Variants in CDK14 observed in about 807,000 individuals in gnomAD.
The protein encoded by CDK14 is cyclin-dependent kinase 14.
CDK14 carries 34 observed loss-of-function variants against 60.7 expected under a neutral mutation model. That is an observed-to-expected ratio of 0.56 (90% CI 0.43 to 0.75). The LOEUF is 0.75. Among genes scored for constraint, CDK14 ranks in the 30% least tolerant of loss-of-function variants. The pLI, the probability that CDK14 is intolerant of heterozygous loss-of-function variation, is 0.00. For synonymous variants in CDK14, 197 were observed against 203.7 expected, an observed-to-expected ratio of 0.97 and a Z score of 0.28; for missense variants, 482 against 564.1, an observed-to-expected ratio of 0.85 and a Z score of 1.47.
At chr7:90,866,045 A>T (rs1280535003) in intron 6 of CDK14, among the ~76,000 whole-genome samples, 1 of 152,138 alleles carries the variant, frequency 6.6e-6, no homozygotes, top group Non-Finnish European at 1.5e-5. Flanking sequence ...CTGAGTGCAG[A>T]TAAGTCCTAA....
chr7:90,659,871 CTCTCTGTGTGTGTG>C (rs1352950008), intron 2 of CDK14, among the ~76,000 whole-genome samples: 2 of 144,362 alleles, frequency 1.4e-5, no homozygotes, highest in Non-Finnish European at 1.5e-5. Context: ...CTCTCTCTCT[CTCTCTGTGTGTGTG>C]TGTGTGTGTG....
intron 2 of CDK14, among the ~76,000 whole-genome samples, chr7:90,696,821 G>C (rs1244575692): frequency 2.0e-5 from 3 of 152,166 alleles, no homozygotes; most frequent in African/African-American, 2.4e-5. Context: ...GGTTGGGAAG[G>C]GAAGAGTGTC....
At chr7:91,006,215 C>A (rs1795975516) in intron 10 of CDK14, among the ~76,000 whole-genome samples, 1 of 152,228 alleles carries the variant, frequency 6.6e-6, no homozygotes, top group Admixed American at 6.5e-5. Flanking sequence ...TTTTTCCCCT[C>A]ATGGCTCTTT....
At chr7:90,993,515 A>G (rs533255188) in intron 10 of CDK14, among the ~76,000 whole-genome samples, 4 of 152,132 alleles carry the variant, frequency 2.6e-5, no homozygotes, top group South Asian at 4.2e-4. Context: ...TTTTTCTGAA[A>G]GAAGAAGGGG....
At chr7:90,984,018 G>A (rs1420885144) in intron 9 of CDK14, 130 bp from the exon 10 acceptor site, 4 of 662,322 alleles carry the variant, frequency 6.0e-6, no homozygotes, top group Non-Finnish European at 1.1e-5. Flanking sequence ...TAAAATAAAA[G>A]TTAGAGGGGA....
Position 90,846,067 on chromosome 7 carries a change from C to G in CDK14, c.545-17108C>G, listed in dbSNP as rs148471879. The stretch of plus-strand genomic sequence containing the variant: ...AGAATGAGGACCCAAACCTTTGTCT[C>G]CAACTTTGTCCCCATTACTTTACTT... On this transcript the variant is annotated intron_variant, in intron 5 of 14. Transcript: ENST00000380050. Among the ~76,000 whole-genome samples the G allele has an allele frequency of 2.9e-3, 445 of 152,202 alleles. 2 individuals carry two copies. The highest frequency in any genetic ancestry group is 0.01 in the African/African-American group (419 of 41,530).
chr7:90,932,496 A>T (rs898409676), intron 8 of CDK14, among the ~76,000 whole-genome samples: 2 of 152,192 alleles, frequency 1.3e-5, no homozygotes, highest in African/African-American at 4.8e-5. Flanking sequence ...CTCAATGTTC[A>T]TTAGCTAATG....
At chr7:90,946,630 T>A (rs2117530870) in intron 8 of CDK14, among the ~76,000 whole-genome samples, 1 of 152,328 alleles carries the variant, frequency 6.6e-6, no homozygotes, top group South Asian at 2.1e-4. Context: ...TCTTAGTTCA[T>A]GTTTGAAAGT....
intron 14 of CDK14, among the ~76,000 whole-genome samples, chr7:91,203,724 A>G (rs1396817655): frequency 6.6e-6 from 1 of 152,198 alleles, no homozygotes; most frequent in Admixed American, 6.5e-5. Context: ...AAGTACATGG[A>G]AGAAAAAGGA....
chr7:90,736,568 C>T (rs1311947342), intron 3 of CDK14, among the ~76,000 whole-genome samples: 1 of 151,904 alleles, frequency 6.6e-6, no homozygotes, highest in Non-Finnish European at 1.5e-5. Flanking sequence ...GAGGATGTAA[C>T]AATGACTGAT....
At chr7:91,203,303 C>G (rs1486872200) in intron 14 of CDK14, among the ~76,000 whole-genome samples, 1 of 152,128 alleles carries the variant, frequency 6.6e-6, no homozygotes, top group African/African-American at 2.4e-5. Context: ...CATATTTCAC[C>G]ACCAAGTCTT....
At chr7:91,030,876 G>T (rs1440387583) in intron 10 of CDK14, among the ~76,000 whole-genome samples, 2 of 152,130 alleles carry the variant, frequency 1.3e-5, no homozygotes, top group Non-Finnish European at 2.9e-5. Flanking sequence ...CCCTCCCTTG[G>T]CTGGAGTTGC....
intron 11 of CDK14, among the ~76,000 whole-genome samples, chr7:91,075,788 A>G (rs184273370): frequency 2.6e-5 from 4 of 152,218 alleles, no homozygotes; most frequent in African/African-American, 7.2e-5. Context: ...TACAAAATCA[A>G]TGTACAGAAA....
chr7:90,774,448 G>A (rs1347582743), intron 4 of CDK14, among the ~76,000 whole-genome samples: 3 of 152,132 alleles, frequency 2.0e-5, no homozygotes, highest in Non-Finnish European at 4.4e-5. Context: ...CAGGTAATCA[G>A]TGATGCCATA....
chr7:90,876,677 A>T (rs1791573269), intron 6 of CDK14, among the ~76,000 whole-genome samples: 1 of 152,158 alleles, frequency 6.6e-6, no homozygotes, highest in African/African-American at 2.4e-5. Context: ...AAATTTGGTG[A>T]GTGGGAATTC....
intron 10 of CDK14, among the ~76,000 whole-genome samples, chr7:90,992,504 C>T (rs1428930530): frequency 2.6e-5 from 4 of 152,156 alleles, no homozygotes; most frequent in African/African-American, 7.2e-5. Context: ...ACTGATATTC[C>T]TGTAAGGAAA....
At chr7:90,724,620 C>T (rs926093725) in intron 2 of CDK14, among the ~76,000 whole-genome samples, 6 of 151,760 alleles carry the variant, frequency 4.0e-5, no homozygotes, top group African/African-American at 9.7e-5. Context: ...TCACCATTTT[C>T]GTATTTTGTG....
At chr7:90,982,982 A>G (rs1795270915) in intron 9 of CDK14, among the ~76,000 whole-genome samples, 1 of 152,206 alleles carries the variant, frequency 6.6e-6, no homozygotes, top group Non-Finnish European at 1.5e-5. Flanking sequence ...AGAAATGCAA[A>G]TCAAAACCAC....
intron 9 of CDK14, among the ~76,000 whole-genome samples, chr7:90,956,100 G>A (rs942331049): frequency 6.6e-6 from 1 of 152,062 alleles, no homozygotes; most frequent in African/African-American, 2.4e-5. Context: ...TTAATTTGTG[G>A]CTGTATCTTA....
Sources: allele counts gnomAD v4.1 joint callset (sites outside exome capture counted in the v4.1 genomes callset), GRCh38; gene constraint gnomAD v4.1.1; transcripts MANE v1.5; gene names NCBI Gene and HGNC (gene_info 2026-07-23, HGNC 2026-07-21).